The following AP3B1 variants were observed in gnomAD, a reference collection of about 807,000 sequenced individuals.
AP3B1 encodes AP-3 complex subunit beta-1.
A neutral mutation model predicts 132.5 loss-of-function variants in AP3B1; 61 were observed. The ratio of observed to expected loss-of-function variants is 0.46; its 90% CI spans 0.37 to 0.57. AP3B1 has a LOEUF of 0.57. Ranked by LOEUF, AP3B1 falls within the 20% of genes least tolerant of loss-of-function variation. The pLI, the probability that AP3B1 is intolerant of heterozygous loss-of-function variation, is 0.00. For missense variants in AP3B1, 1,120 were observed against 1,289.4 expected (o/e 0.87, Z 2.01); for synonymous variants, 388 against 438.3 (o/e 0.89, Z 1.43).
chr5:78,239,778 C>CAA (rs560151932), intron 3 of AP3B1, among the ~76,000 whole-genome samples: 3,353 of 77,042 alleles, frequency 0.044, 241 homozygotes, highest in African/African-American at 0.15. Context: ...GACTCTGTCT[C>CAA]AAAAAAAAAA....
chr5:78,039,082 G>GA lies in AP3B1; in HGVS notation c.2769_2770insT (p.Leu924SerfsTer11). The GA allele has an allele frequency of 6.2e-7, 1 of 1,609,384 alleles. No homozygotes were observed. The highest frequency in any genetic ancestry group is 8.5e-7 in the Non-Finnish European group (1 of 1,176,420). On this transcript the variant is annotated frameshift_variant, in exon 23 of 27. Coordinates refer to ENST00000255194, the MANE Select transcript of AP3B1 (RefSeq NM_003664.5). LOFTEE classifies it high-confidence loss of function. The stretch of plus-strand genomic sequence containing the variant: ...ACATGCATTTTCATGCCTATAGGAA[G>GA]TTTTTTTTCCCCTATGTGGATATTT...
chr5:78,244,419 G>GA (rs146775556), intron 2 of AP3B1, among the ~76,000 whole-genome samples: 11 of 143,504 alleles, frequency 7.7e-5, no homozygotes, highest in Middle Eastern at 3.6e-3. Flanking sequence ...CAACTCAAAA[G>GA]AAAAAAAAAA....
intron 15 of AP3B1, among the ~76,000 whole-genome samples, chr5:78,139,690 G>A (rs773988164): frequency 7.2e-5 from 11 of 152,094 alleles, no homozygotes; most frequent in Non-Finnish European, 1.5e-4. Context: ...GATTCTGAAA[G>A]GCAAACATTA....
At chr5:78,229,300 A>G (rs1242686138) in intron 3 of AP3B1, among the ~76,000 whole-genome samples, 1 of 152,222 alleles carries the variant, frequency 6.6e-6, no homozygotes, top group Non-Finnish European at 1.5e-5. Flanking sequence ...ACAGAAAAAG[A>G]AATAAACAAA....
At chr5:78,023,419 G>T (rs1190490047) in intron 24 of AP3B1, among the ~76,000 whole-genome samples, 1 of 150,974 alleles carries the variant, frequency 6.6e-6, no homozygotes, top group Admixed American at 6.6e-5. Flanking sequence ...TCCAGCCTAG[G>T]TGATAGAGTG....
intron 21 of AP3B1, among the ~76,000 whole-genome samples, chr5:78,090,771 T>C (rs1299636200): frequency 6.6e-6 from 1 of 152,164 alleles, no homozygotes; most frequent in Non-Finnish European, 1.5e-5. Context: ...TCCAAGATAA[T>C]ACCCTAAAGG....
chr5:78,168,172 T>C (rs1203133296), intron 11 of AP3B1, among the ~76,000 whole-genome samples: 1 of 151,808 alleles, frequency 6.6e-6, no homozygotes, highest in African/African-American at 2.4e-5. Context: ...CTTTTAATTT[T>C]TAATTTTATT....
intron 6 of AP3B1, among the ~76,000 whole-genome samples, chr5:78,222,786 A>G (rs1392252390): frequency 6.6e-6 from 1 of 151,630 alleles, no homozygotes; most frequent in African/African-American, 2.4e-5. Context: ...AGTTGAAGCA[A>G]TTTTGATTTA....
chr5:78,064,990 C>T lies in AP3B1; in HGVS notation c.2577+24403G>A, dbSNP rs116665960. Among the ~76,000 whole-genome samples, 711 of 152,096 alleles carry T rather than the reference C, an allele frequency of 4.7e-3. 4 individuals are homozygous for T. The highest frequency in any genetic ancestry group is 0.016 in the African/African-American group (663 of 41,494). ...TGAAAATGGTGAGTGAATCCTGCAC[C>T]GGCAACTGAGGTATCTCTCACTGGG... On this transcript the variant is annotated intron_variant, in intron 22 of 26. Coordinates refer to ENST00000255194, the MANE Select transcript of AP3B1 (RefSeq NM_003664.5).
intron 11 of AP3B1, among the ~76,000 whole-genome samples, chr5:78,172,492 A>C (rs922063380): frequency 1.3e-5 from 2 of 152,112 alleles, no homozygotes; most frequent in East Asian, 1.9e-4. Flanking sequence ...GAATTTATCC[A>C]TTTCTTCTAG....
At chr5:78,193,770 A>T (rs10602408) in intron 7 of AP3B1, among the ~76,000 whole-genome samples, 4,715 of 67,116 alleles carry the variant, frequency 0.07, 317 homozygotes, top group African/African-American at 0.19. Flanking sequence ...ATATATATAT[A>T]TTTTTTTTTT....
At chr5:78,264,734 C>T (rs544039326) in intron 2 of AP3B1, among the ~76,000 whole-genome samples, 29 of 152,228 alleles carry the variant, frequency 1.9e-4, no homozygotes, top group Non-Finnish European at 3.5e-4. Context: ...GATAAACAGT[C>T]CGTCTGGAAA....
intron 21 of AP3B1, among the ~76,000 whole-genome samples, chr5:78,090,601 A>G (rs1052322099): frequency 6.6e-6 from 1 of 152,226 alleles, no homozygotes; most frequent in Non-Finnish European, 1.5e-5. Context: ...ACAAACTTCT[A>G]TAACTGTACT....
chr5:78,097,110 A>G (rs1331950687), intron 21 of AP3B1, among the ~76,000 whole-genome samples: 19 of 89,836 alleles, frequency 2.1e-4, no homozygotes, highest in African/African-American at 2.9e-4. Flanking sequence ...GGAGGGAGGT[A>G]GGGGGTCAGC....
intron 17 of AP3B1, among the ~76,000 whole-genome samples, chr5:78,116,726 C>G (rs1268520163): frequency 2.0e-5 from 3 of 151,950 alleles, no homozygotes; most frequent in Non-Finnish European, 1.5e-5. Flanking sequence ...TTCTCATATC[C>G]TAAACATCTA....
At chr5:78,019,093 C>A (rs990511572) in intron 25 of AP3B1, among the ~76,000 whole-genome samples, 1 of 152,078 alleles carries the variant, frequency 6.6e-6, no homozygotes, top group African/African-American at 2.4e-5. Context: ...TTCAGAGTAG[C>A]CTTTCTGCTC....
At chr5:78,195,271 T>G (rs1430628973) in intron 7 of AP3B1, among the ~76,000 whole-genome samples, 1 of 152,212 alleles carries the variant, frequency 6.6e-6, no homozygotes. Context: ...AGCTACGTGA[T>G]GTATACATAG....
chr5:78,115,189 A>G (rs1180988144), intron 18 of AP3B1, among the ~76,000 whole-genome samples: 1 of 152,224 alleles, frequency 6.6e-6, no homozygotes, highest in Non-Finnish European at 1.5e-5. Context: ...CTTATGCTAT[A>G]AACAATGAAA....
intron 15 of AP3B1, among the ~76,000 whole-genome samples, chr5:78,134,149 C>CAAAAAAAAAAAAAAAAAAAAAAAAAAA (rs397961933): frequency 1.3e-5 from 1 of 74,226 alleles, no homozygotes; most frequent in African/African-American, 5.5e-5. Context: ...AGACTCGCCT[C>CAAAAAAAAAAAAAAAAAAAAAAAAAAA]AAAAAAAAAA....
Sources: allele counts gnomAD v4.1 joint callset (sites outside exome capture counted in the v4.1 genomes callset), GRCh38; gene constraint gnomAD v4.1.1; transcripts MANE v1.5; gene names NCBI Gene and HGNC (gene_info 2026-07-23, HGNC 2026-07-21).